FRMPD4: variants seen among roughly 807,000 people sequenced by gnomAD.
FRMPD4 encodes the protein FERM and PDZ domain-containing protein 4.
FRMPD4 carries 22 observed loss-of-function variants against 94.1 expected under a neutral mutation model. That is an observed-to-expected ratio of 0.23 (90% CI 0.17 to 0.33). The LOEUF is 0.33. Among genes scored for constraint, FRMPD4 ranks in the 10% least tolerant of loss-of-function variants. The probability of loss-of-function intolerance (pLI) is 1.00; values close to 1 mark genes in which losing one functional copy is unlikely to be tolerated. For synonymous variants in FRMPD4, 631 were observed against 548.6 expected (o/e 1.15, Z -2.10); for missense variants, 1,111 against 1,339.9 (o/e 0.83, Z 2.67).
At chrX:11,861,222 G>A (rs2053684836) in intron 1 of FRMPD4, among the ~76,000 whole-genome samples, 1 of 111,630 alleles carries the variant, frequency 9.0e-6, no homozygotes, top group Non-Finnish European at 1.9e-5. Flanking sequence ...GGTATTATTA[G>A]GACCTTATAC....
intron 3 of FRMPD4, among the ~76,000 whole-genome samples, chrX:12,053,166 C>T (rs1382557117): frequency 1.8e-5 from 2 of 108,473 alleles, no homozygotes; most frequent in Admixed American, 2.0e-4. Flanking sequence ...GGTGAAACCC[C>T]TTCTCTAATA....
At chrX:12,323,046 T>C (rs1025154857) in intron 1 of FRMPD4, among the ~76,000 whole-genome samples, 1 of 111,873 alleles carries the variant, frequency 8.9e-6, no homozygotes, top group Non-Finnish European at 1.9e-5. Context: ...AGTGTATTGC[T>C]ATGTGGTATT....
At chrX:11,897,353 C>T (rs2053910211) in intron 3 of FRMPD4, among the ~76,000 whole-genome samples, 1 of 110,395 alleles carries the variant, frequency 9.1e-6, no homozygotes, top group Non-Finnish European at 1.9e-5. Context: ...TGATAATGGT[C>T]CTTATTTCTT....
intron 14 of FRMPD4, 71 bp from the exon 15 acceptor site, chrX:12,715,998 G>GCCGGGGGGGGC: frequency 2.6e-6 from 1 of 383,857 alleles, no homozygotes; most frequent in Non-Finnish European, 4.7e-6. Flanking sequence ...ACAGAGACGA[G>GCCGGGGGGGGC]CCTCCCACCC....
In FRMPD4 at chrX:11,978,321, C is replaced by CAAAAAAAAAAAAAA. The variant is rs1172824155; in HGVS notation, c.95+100318_95+100331dup. ...TGGATGACAGAGTGAAACTCCATCT[C>CAAAAAAAAAAAAAA]AAAAAAAAAAAAAAAAAAAAAAAAA... On this transcript the variant is annotated intron_variant, in intron 3 of 18. Transcript: ENST00000640291. Among the ~76,000 whole-genome samples, 5 of 16,355 alleles carry CAAAAAAAAAAAAAA rather than the reference C, an allele frequency of 3.1e-4. No homozygotes were observed. The East Asian group carries it at 7.4e-3, about 24-fold the overall frequency. The allele number at this position is 16,355 out of a possible 115,157, so 14.2% of individuals were successfully genotyped here. A position where few individuals can be genotyped will look rare whatever the true frequency, so the allele number is the denominator to read the frequency against.
chrX:12,427,894 TCTC>T (rs2056964519), intron 1 of FRMPD4, among the ~76,000 whole-genome samples: 4 of 81,497 alleles, frequency 4.9e-5, no homozygotes, highest in African/African-American at 9.0e-5. Context: ...TTTCCTTTTT[TCTC>T]TTTTTTTTTT....
intron 3 of FRMPD4, among the ~76,000 whole-genome samples, chrX:12,053,334 GA>G (rs1431243116): frequency 8.4e-5 from 7 of 83,288 alleles, no homozygotes; most frequent in Admixed American, 7.3e-4. Flanking sequence ...AAAAAAGAAA[GA>G]AAGAAAGAAA....
chrX:12,476,757 A>G (rs1199755176), intron 1 of FRMPD4, among the ~76,000 whole-genome samples: 2 of 111,786 alleles, frequency 1.8e-5, no homozygotes, highest in Non-Finnish European at 3.8e-5. Context: ...AATCAAAACC[A>G]CAATGAGATA....
chrX:12,523,178 A>G (rs899657011), intron 2 of FRMPD4, among the ~76,000 whole-genome samples: 1 of 112,386 alleles, frequency 8.9e-6, no homozygotes, highest in Non-Finnish European at 1.9e-5. Context: ...CAGCCCCTTC[A>G]TAAGATATCC....
chrX:12,337,266 A>G (rs1201642802), intron 1 of FRMPD4, among the ~76,000 whole-genome samples: 1 of 111,999 alleles, frequency 8.9e-6, no homozygotes, highest in Non-Finnish European at 1.9e-5. Context: ...CATTAGCTCA[A>G]TATTTTTTAA....
chrX:11,934,241 G>A (rs2054137929), intron 3 of FRMPD4, among the ~76,000 whole-genome samples: 1 of 112,291 alleles, frequency 8.9e-6, no homozygotes, highest in Non-Finnish European at 1.9e-5. Context: ...TGCCTTACTT[G>A]AGTCTCCCTA....
chrX:12,138,591 G>A lies in FRMPD4; in HGVS notation c.-381G>A. On this transcript the variant is annotated 5_prime_UTR_variant, in exon 1 of 17. Transcript: ENST00000675598. The stretch of plus-strand genomic sequence containing the variant: ...GTCCGAGGGCCGGGAAGCCAGAGCA[G>A]CGCCTCTCGCCCAGGCCTCGCTTTC... The A allele has an allele frequency of 3.6e-6, 1 of 274,932 alleles. No homozygotes were observed. Among genetic ancestry groups the A allele is most frequent in the Non-Finnish European group, 6.4e-6 (1 of 156,128 alleles). 22.7% of individuals were successfully genotyped at this position (274,932 alleles called of 1,213,427 possible).
chrX:12,351,913 G>C (rs1047497017), intron 1 of FRMPD4, among the ~76,000 whole-genome samples: 1 of 112,557 alleles, frequency 8.9e-6, no homozygotes, highest in East Asian at 2.8e-4. Flanking sequence ...ATGGACATTT[G>C]AGTCATTTCC....
At chrX:12,262,614 A>G (rs1407600606) in intron 1 of FRMPD4, among the ~76,000 whole-genome samples, 1 of 112,322 alleles carries the variant, frequency 8.9e-6, no homozygotes, top group Non-Finnish European at 1.9e-5. Context: ...TATTTGGACC[A>G]TAATAAGCAC....
intron 3 of FRMPD4, among the ~76,000 whole-genome samples, chrX:12,124,556 T>C (rs2147540804): frequency 8.9e-6 from 1 of 112,628 alleles, no homozygotes; most frequent in African/African-American, 3.2e-5. Context: ...TATTACAATA[T>C]GGCAACCAAG....
intron 3 of FRMPD4, among the ~76,000 whole-genome samples, chrX:11,932,135 C>T (rs1171655236): frequency 9.0e-6 from 1 of 111,707 alleles, no homozygotes; most frequent in Non-Finnish European, 1.9e-5. Context: ...TTGTCCACTC[C>T]CTTGCCGTTT....
chrX:12,475,766 G>T (rs1452822513), intron 1 of FRMPD4, among the ~76,000 whole-genome samples: 6 of 111,730 alleles, frequency 5.4e-5, no homozygotes, highest in Non-Finnish European at 1.1e-4. Context: ...GGGATGTGAA[G>T]GTCCTCTTCA....
intron 3 of FRMPD4, among the ~76,000 whole-genome samples, chrX:12,061,609 A>T (rs1048294132): frequency 4.0e-4 from 45 of 111,988 alleles, no homozygotes; most frequent in Non-Finnish European, 7.3e-4. Context: ...AAACAAATAC[A>T]AAAGAAAGAA....
At chrX:12,307,619 G>T (rs757403523) in intron 1 of FRMPD4, among the ~76,000 whole-genome samples, 1 of 111,972 alleles carries the variant, frequency 8.9e-6, no homozygotes, top group African/African-American at 3.2e-5. Flanking sequence ...CTTCTGAGGT[G>T]CTGGAAATAG....
Sources: allele counts gnomAD v4.1 joint callset (sites outside exome capture counted in the v4.1 genomes callset), GRCh38; gene constraint gnomAD v4.1.1; transcripts MANE v1.5; gene names NCBI Gene and HGNC (gene_info 2026-07-23, HGNC 2026-07-21).